RORA: variants seen among roughly 807,000 people sequenced by gnomAD.
The protein encoded by RORA is nuclear receptor ROR-alpha.
In RORA, 7 loss-of-function variants were observed where a neutral mutation model predicts 69.5. That is an observed-to-expected ratio of 0.10 (90% CI 0.06 to 0.19). The LOEUF (loss-of-function observed/expected upper bound fraction) is 0.19. Ranked by LOEUF, RORA falls within the 10% of genes least tolerant of loss-of-function variation. The pLI is 1.00. For synonymous variants in RORA, 261 were observed against 240.8 expected (o/e 1.08, Z -0.78); for missense variants, 457 against 663.0 (o/e 0.69, Z 3.41).
chr15:60,501,907 A>G (rs1376311098), intron 8 of RORA, among the ~76,000 whole-genome samples: 1 of 152,236 alleles, frequency 6.6e-6, no homozygotes, highest in African/African-American at 2.4e-5. Context: ...TTTTAAAAAA[A>G]TCACTCATTT....
chr15:61,031,064 G>T (rs1376664960), intron 1 of RORA, among the ~76,000 whole-genome samples: 2 of 152,064 alleles, frequency 1.3e-5, no homozygotes, highest in African/African-American at 4.8e-5. Flanking sequence ...CTGTTTAACT[G>T]AACTAAACTG....
intron 1 of RORA, among the ~76,000 whole-genome samples, chr15:60,723,832 C>T (rs1261148092): frequency 6.6e-6 from 1 of 152,160 alleles, no homozygotes; most frequent in Non-Finnish European, 1.5e-5. Flanking sequence ...GCTCTCAATC[C>T]ACAAGGAGGG....
intron 2 of RORA, among the ~76,000 whole-genome samples, chr15:60,578,839 C>T (rs1352560981): frequency 1.3e-5 from 2 of 150,822 alleles, no homozygotes; most frequent in Non-Finnish European, 2.9e-5. Context: ...TCTCGGCTCA[C>T]TGCAAGCTCC....
chr15:61,185,023 G>A (rs28526444), intron 1 of RORA, among the ~76,000 whole-genome samples: 6,227 of 138,818 alleles, frequency 0.045, 830 homozygotes, highest in Middle Eastern at 0.058. Context: ...AGAAGAAGAA[G>A]AAGGACTGTT....
intron 1 of RORA, among the ~76,000 whole-genome samples, chr15:60,916,177 C>G (rs1259648763): frequency 6.6e-6 from 1 of 152,170 alleles, no homozygotes; most frequent in African/African-American, 2.4e-5. Context: ...CTGTATGTGT[C>G]GTTTGACTGA....
chr15:60,632,111 ATT>A (rs11308166), intron 2 of RORA, among the ~76,000 whole-genome samples: 6,315 of 146,804 alleles, frequency 0.043, 156 homozygotes, highest in South Asian at 0.095. Flanking sequence ...TTCACTACCT[ATT>A]TTTTTTTTTT....
At chr15:60,675,985 C>T (rs1263775762) in intron 2 of RORA, among the ~76,000 whole-genome samples, 1 of 152,082 alleles carries the variant, frequency 6.6e-6, no homozygotes, top group Non-Finnish European at 1.5e-5. Context: ...ACTAAGGTTT[C>T]CAGAACCCTG....
intron 1 of RORA, among the ~76,000 whole-genome samples, chr15:61,097,439 C>T (rs528766251): frequency 2.0e-5 from 3 of 152,218 alleles, no homozygotes; most frequent in African/African-American, 7.2e-5. Flanking sequence ...CCCTCTCCTC[C>T]CTCCCTTCAC....
intron 1 of RORA, among the ~76,000 whole-genome samples, chr15:61,047,095 T>C (rs1897067802): frequency 6.6e-6 from 1 of 152,208 alleles, no homozygotes; most frequent in South Asian, 2.1e-4. Flanking sequence ...ATAAGGATTC[T>C]CTCTTTTTAT....
chr15:60,968,503 C>G (rs190987849), intron 1 of RORA, among the ~76,000 whole-genome samples: 2 of 152,192 alleles, frequency 1.3e-5, no homozygotes, highest in South Asian at 2.1e-4. Context: ...CAGGCTCACA[C>G]TGGAATCAAC....
intron 1 of RORA, among the ~76,000 whole-genome samples, chr15:61,103,001 T>A (rs139216032): frequency 1.3e-5 from 2 of 152,354 alleles, no homozygotes; most frequent in East Asian, 3.9e-4. Context: ...ACAAAAATTA[T>A]TGAGTGCCTA....
At chr15:60,643,436 G>A (rs1407824330) in intron 2 of RORA, among the ~76,000 whole-genome samples, 5 of 152,152 alleles carry the variant, frequency 3.3e-5, no homozygotes, top group Non-Finnish European at 7.4e-5. Context: ...TTTCTAATCT[G>A]GAAGGCTGAA....
At chr15:61,155,369 T>C (rs1403522756) in intron 1 of RORA, among the ~76,000 whole-genome samples, 1 of 152,184 alleles carries the variant, frequency 6.6e-6, no homozygotes, top group Non-Finnish European at 1.5e-5. Context: ...AAAGAAAAGA[T>C]AGAAGAAATA....
At chr15:61,143,374 A>G (rs983865279) in intron 1 of RORA, among the ~76,000 whole-genome samples, 1 of 152,186 alleles carries the variant, frequency 6.6e-6, no homozygotes, top group Non-Finnish European at 1.5e-5. Flanking sequence ...GTAAAGATGT[A>G]TTCTCCCCTA....
chr15:60,798,026 G>A (rs1311186503), intron 1 of RORA, among the ~76,000 whole-genome samples: 1 of 152,078 alleles, frequency 6.6e-6, no homozygotes, highest in African/African-American at 2.4e-5. Context: ...AACCCACCAG[G>A]AAGATAAGTA....
intron 1 of RORA, among the ~76,000 whole-genome samples, chr15:60,725,983 CACA>C (rs1456973266): frequency 2.0e-5 from 3 of 152,034 alleles, no homozygotes; most frequent in Non-Finnish European, 2.9e-5. Flanking sequence ...TTGGGGGGCA[CACA>C]ACATTTTTTG....
intron 1 of RORA, among the ~76,000 whole-genome samples, chr15:60,751,770 A>C (rs182504236): frequency 9.0e-4 from 137 of 152,334 alleles, no homozygotes; most frequent in East Asian, 1.9e-4. Context: ...ACTGAGGCTC[A>C]GAAACAGTAA....
intron 1 of RORA, among the ~76,000 whole-genome samples, chr15:61,215,721 C>G (rs1333901631): frequency 6.6e-6 from 1 of 152,120 alleles, no homozygotes; most frequent in African/African-American, 2.4e-5. Context: ...TTGCACAGAA[C>G]CAATTATTTT....
chr15:60,968,631 T>A (rs60219224), intron 1 of RORA, among the ~76,000 whole-genome samples: 33,092 of 151,956 alleles, frequency 0.22, 4,393 homozygotes, highest in East Asian at 0.5. Flanking sequence ...TTTAAAAATG[T>A]CAAACTTACA....
Sources: allele counts gnomAD v4.1 joint callset (sites outside exome capture counted in the v4.1 genomes callset), GRCh38; gene constraint gnomAD v4.1.1; transcripts MANE v1.5; gene names NCBI Gene and HGNC (gene_info 2026-07-23, HGNC 2026-07-21).